MTMR8: variants seen among roughly 807,000 people sequenced by gnomAD.
The protein encoded by MTMR8 is myotubularin related protein 8, also known as phosphatidylinositol-3,5-bisphosphate 3-phosphatase MTMR8.
Under a neutral mutation model 39.3 loss-of-function variants are expected in MTMR8, and 65 were observed. The ratio of observed to expected loss-of-function variants is 1.65; its 90% CI spans 1.35 to 2.03. The LOEUF is 2.03. MTMR8 is among the 30% of genes most tolerant of loss of function. The pLI is 0.00. For missense variants in MTMR8, 777 were observed against 538.9 expected, an observed-to-expected ratio of 1.44 and a Z score of -4.37; for synonymous variants, 245 against 185.2, an observed-to-expected ratio of 1.32 and a Z score of -2.62.
At chrX:64,345,796 T>A (rs1602140604) in intron 6 of MTMR8, among the ~76,000 whole-genome samples, 1 of 111,277 alleles carries the variant, frequency 9.0e-6, no homozygotes, top group South Asian at 3.8e-4. Context: ...TTACAAAAAA[T>A]GTTTTTTGTA....
chrX:64,287,352 A>G (rs1482549544), intron 12 of MTMR8, among the ~76,000 whole-genome samples: 17 of 111,770 alleles, frequency 1.5e-4, no homozygotes, highest in Non-Finnish European at 2.8e-4. Flanking sequence ...ATGCTCATGG[A>G]TAGGAAGACT....
intron 10 of MTMR8, 59 bp downstream of exon 10, chrX:64,336,020 T>G: frequency 2.2e-6 from 2 of 892,196 alleles, no homozygotes; most frequent in South Asian, 5.0e-5. Context: ...GAGGTTTTGA[T>G]ATACTTCACC....
chrX:64,387,045 C>T (rs1259239918), intron 1 of MTMR8, among the ~76,000 whole-genome samples: 1 of 111,018 alleles, frequency 9.0e-6, no homozygotes, highest in Non-Finnish European at 1.9e-5. Context: ...CAGAGCAAGG[C>T]CTTGTCTCAA....
intron 7 of MTMR8, 47 bp from the exon 8 acceptor site, chrX:64,343,767 T>A (rs1184244334): frequency 2.2e-6 from 2 of 912,084 alleles, no homozygotes; most frequent in Non-Finnish European, 3.1e-6. Flanking sequence ...ATCAACTCAG[T>A]TTATTCATTA....
intron 1 of MTMR8, among the ~76,000 whole-genome samples, chrX:64,369,735 CA>C (rs1924078880): frequency 9.0e-6 from 1 of 110,799 alleles, no homozygotes; most frequent in African/African-American, 3.3e-5. Flanking sequence ...GCACATTGTC[CA>C]CATGTACCCT....
chrX:64,324,841 G>C (rs985954838), intron 12 of MTMR8, among the ~76,000 whole-genome samples: 2 of 78,094 alleles, frequency 2.6e-5, no homozygotes, highest in East Asian at 3.6e-4. Flanking sequence ...AAAAAAAAGA[G>C]AGGTTTAAAA....
Position 64,328,819 on chromosome X carries a change from G to A in MTMR8, c.1434C>T (p.Phe478=). The change falls in exon 12 of 14, where the codon TTC becomes TTT. Residue 478 remains phenylalanine, a synonymous_variant. Coordinates refer to ENST00000374852, the MANE Select transcript of MTMR8 (RefSeq NM_017677.4). ...TAGGATTGAGTACCCCATACATAGT[G>A]AAGCCTTTATAGAGAGGGTTCCTGA... is the stretch of plus-strand genomic sequence containing the variant. The part of the protein sequence containing the change: ...PDFRNPLYKG[F]TMYGVLNPST... The A allele has an allele frequency of 8.3e-7, 1 of 1,201,008 alleles. No homozygotes were observed. The highest frequency in any genetic ancestry group is 1.1e-6 in the Non-Finnish European group (1 of 890,820).
At chrX:64,318,346 G>A (rs1029406288) in intron 12 of MTMR8, among the ~76,000 whole-genome samples, 1 of 112,086 alleles carries the variant, frequency 8.9e-6, no homozygotes, top group Admixed American at 9.4e-5. Context: ...TTGACATAGA[G>A]CAGTTATTTT....
chrX:64,286,307 T>C (rs1181219283), intron 12 of MTMR8, among the ~76,000 whole-genome samples: 1 of 111,672 alleles, frequency 9.0e-6, no homozygotes, highest in Non-Finnish European at 1.9e-5. Context: ...ACTCTGAAAT[T>C]GAGGCAATAA....
intron 10 of MTMR8, among the ~76,000 whole-genome samples, chrX:64,334,041 T>C (rs1355282059): frequency 1.8e-5 from 2 of 111,509 alleles, no homozygotes; most frequent in Non-Finnish European, 3.8e-5. Context: ...CTTTATACAA[T>C]TTTTTGAGTT....
chrX:64,374,138 T>C (rs997212733), intron 1 of MTMR8, among the ~76,000 whole-genome samples: 6 of 111,795 alleles, frequency 5.4e-5, no homozygotes, highest in African/African-American at 2.0e-4. Flanking sequence ...CAGGAGTTTA[T>C]AATTTGTTGA....
intron 12 of MTMR8, among the ~76,000 whole-genome samples, chrX:64,284,994 T>C (rs1464984458): frequency 8.9e-6 from 1 of 111,821 alleles, no homozygotes; most frequent in African/African-American, 3.3e-5. Context: ...TAAATGTAAA[T>C]GGGCTAAATG....
chrX:64,366,947 AAACT>A (rs1923980793), intron 1 of MTMR8, among the ~76,000 whole-genome samples: 1 of 111,783 alleles, frequency 8.9e-6, no homozygotes, highest in Admixed American at 9.5e-5. Flanking sequence ...ACAGAAATAG[AAACT>A]AACTACCATC....
chrX:64,335,720 C>G (rs1249987899), intron 10 of MTMR8, among the ~76,000 whole-genome samples: 1 of 111,904 alleles, frequency 8.9e-6, no homozygotes, highest in African/African-American at 3.2e-5. Context: ...TGTTAAATTT[C>G]TATTCATTTC....
chrX:64,270,978 A>C lies in MTMR8; in HGVS notation c.1577T>G (p.Met526Arg), dbSNP rs1042086453. ...SLLEIKKQRA[M>R]LETDVHELEK... ...TAGTTCATGCACATCTGTCTCCAGC[A>C]TTGCTCTCTGTTTCTTAATTTCCAG... is the stretch of plus-strand genomic sequence containing the variant. The change falls in exon 13 of 14, where the codon ATG (methionine) becomes AGG (arginine). Residue 526 changes from methionine (M) to arginine (R), a missense_variant. Met to Arg is a moderately conservative substitution (Grantham distance 91, BLOSUM62 -1). Transcript: ENST00000374852. The C allele has an allele frequency of 1.7e-6, 2 of 1,210,256 alleles. No individual in the cohort carries two copies. The highest frequency in any genetic ancestry group is 2.2e-6 in the Non-Finnish European group (2 of 894,915).
chrX:64,331,480 A>G (rs2147221316), intron 11 of MTMR8, 77 bp downstream of exon 11: 1 of 969,478 alleles, frequency 1.0e-6, no homozygotes, highest in African/African-American at 1.9e-5. Flanking sequence ...GCTATGCCAA[A>G]TTCAGGGTGG....
intron 6 of MTMR8, among the ~76,000 whole-genome samples, chrX:64,347,974 T>C (rs1339145858): frequency 8.9e-6 from 1 of 112,000 alleles, no homozygotes; most frequent in African/African-American, 3.2e-5. Context: ...CAGCATTAGA[T>C]TATTGGAAAG....
At chrX:64,271,541 C>T (rs1300054022) in intron 12 of MTMR8, among the ~76,000 whole-genome samples, 1 of 111,850 alleles carries the variant, frequency 8.9e-6, no homozygotes, top group Non-Finnish European at 1.9e-5. Flanking sequence ...TGAAACCAAC[C>T]AGATTGTAAA....
At chrX:64,337,217 G>A (rs1402948163) in intron 9 of MTMR8, 51 bp downstream of exon 9, 9 of 1,138,904 alleles carry the variant, frequency 7.9e-6, no homozygotes, top group Non-Finnish European at 1.1e-5. Flanking sequence ...TTTTTATTTT[G>A]TCGCAATCTG....
Sources: gnomAD v4.1 joint callset for allele counts (sites outside exome capture counted in the v4.1 genomes callset) on GRCh38, gnomAD v4.1.1 for gene constraint, MANE v1.5 for transcripts, NCBI Gene and HGNC (gene_info 2026-07-23, HGNC 2026-07-21) for gene names.